The following MAK16 variants were observed in gnomAD, a reference collection of about 807,000 sequenced individuals.
The protein encoded by MAK16 is MAK16 homolog, also known as protein MAK16 homolog.
In MAK16, 12 loss-of-function variants were observed where a neutral mutation model predicts 49.9. That is an observed-to-expected ratio of 0.24 (90% CI 0.15 to 0.39). MAK16 has a LOEUF of 0.39. MAK16 is among the 10% of genes least tolerant of loss of function. The pLI is 1.00. For missense variants in MAK16, 292 were observed against 363.7 expected (o/e 0.80, Z 1.60); for synonymous variants, 115 against 126.4 (o/e 0.91, Z 0.60).
In MAK16 at chr8:33,498,758, T is replaced by C; in HGVS notation, c.*129T>C. 1.2e-6 allele frequency: 1 copy of C among 812,866 alleles called. No individual in the cohort carries two copies. The highest frequency in any genetic ancestry group is 1.9e-6 in the Non-Finnish European group (1 of 520,690). 50.4% of individuals were successfully genotyped at this position (812,866 alleles called of 1,614,324 possible). A position where few individuals can be genotyped will look rare whatever the true frequency, so the allele number is the denominator to read the frequency against. On this transcript the variant is annotated 3_prime_UTR_variant, in exon 10 of 10. Coordinates refer to ENST00000360128, the MANE Select transcript of MAK16 (RefSeq NM_032509.4). ...GTACTGAACACAATATTTGTGTTTT[T>C]ATTATTTATGCCACGTCAGTGGGGC...
Position 33,485,205 on chromosome 8 carries a change from C to G in MAK16, c.-2C>G. 6.2e-7 allele frequency: 1 copy of G among 1,614,170 alleles called. No individual in the cohort carries two copies. Among genetic ancestry groups the G allele is most frequent in the South Asian group, 1.1e-5 (1 of 91,086 alleles). ...GAAGTTGCACGCTGAGCCGCGGACA[C>G]CATGCAGTCGGATGATGTGAGTCTC... On this transcript the variant is annotated 5_prime_UTR_variant, in exon 1 of 10. Coordinates refer to ENST00000360128, the MANE Select transcript of MAK16 (RefSeq NM_032509.4).
At position 33,500,267 on chromosome 8, in the gene MAK16, A is replaced by G; in HGVS notation, c.*1638A>G. On this transcript the variant is annotated 3_prime_UTR_variant, in exon 10 of 10. Coordinates refer to ENST00000360128, the MANE Select transcript of MAK16 (RefSeq NM_032509.4). Reference sequence around the variant, plus strand: ...GCACATACATAGTAAATTATAATCAATCATGGGAATTACATAAGGATAATG... The same window carrying G: ...GCACATACATAGTAAATTATAATCAGTCATGGGAATTACATAAGGATAATG... 6.3e-7 allele frequency: 1 copy of G among 1,597,666 alleles called. No homozygotes were observed. The highest frequency in any genetic ancestry group is 1.7e-5 in the Admixed American group (1 of 59,772).
Position 33,489,957 on chromosome 8 carries a change from A to G in MAK16, c.393-328A>G, listed in dbSNP as rs11988905. On this transcript the variant is annotated intron_variant, in intron 5 of 9. Coordinates refer to ENST00000360128, the MANE Select transcript of MAK16 (RefSeq NM_032509.4). This position sits in a 1 kb window ranked among gnomAD's most constrained non-coding sequence, Gnocchi z 4.2. The stretch of plus-strand genomic sequence containing the variant: ...AGTTCACTGAAGTCTTAATTTTAGC[A>G]TGGTGAATGCCCTGAGAATCCCAGA... Among the ~76,000 whole-genome samples, 5,147 of 152,306 alleles carry G rather than the reference A, an allele frequency of 0.034. 255 individuals are homozygous for G. The highest frequency in any genetic ancestry group is 0.11 in the African/African-American group (4,575 of 41,544).
At position 33,500,522 on chromosome 8, in the gene MAK16, T is replaced by C. The variant is rs763411439; in HGVS notation, c.*1893T>C. The C allele has an allele frequency of 3.1e-6, 5 of 1,611,770 alleles. No individual in the cohort carries two copies. Among genetic ancestry groups the C allele is most frequent in the Non-Finnish European group, 4.2e-6 (5 of 1,179,120 alleles). On this transcript the variant is annotated 3_prime_UTR_variant, in exon 10 of 10. Transcript: ENST00000360128. ...TCAGGAAGAAAAGCTATGTTCATACTCTAAATCTGGATATTAAAATTGGAA... is the reference window on the plus strand; with the variant it reads ...TCAGGAAGAAAAGCTATGTTCATACCCTAAATCTGGATATTAAAATTGGAA...
At chr8:33,495,259 A>G (rs1161109872) in intron 6 of MAK16, among the ~76,000 whole-genome samples, 1 of 152,238 alleles carries the variant, frequency 6.6e-6, no homozygotes, top group East Asian at 1.9e-4. Flanking sequence ...ACTTAAATGT[A>G]TATAGACTTA....
At chr8:33,485,350 A>G in intron 1 of MAK16, 129 bp downstream of exon 1, 2 of 1,267,178 alleles carry the variant, frequency 1.6e-6, no homozygotes, top group Non-Finnish European at 2.3e-6. Context: ...GGCTTCCGGA[A>G]CCCCGATTTT....
chr8:33,485,312 C>T (rs367903961), intron 1 of MAK16, 91 bp downstream of exon 1: 4 of 1,543,334 alleles, frequency 2.6e-6, no homozygotes, highest in East Asian at 4.5e-5. Context: ...CGCAGCGGGT[C>T]TGTTGCCTCG....
intron 6 of MAK16, among the ~76,000 whole-genome samples, chr8:33,494,513 A>G (rs923298205): frequency 3.9e-5 from 6 of 152,244 alleles, no homozygotes; most frequent in Non-Finnish European, 7.3e-5. Flanking sequence ...ATAGTCGTCT[A>G]AATAAACAAG....
In MAK16 at chr8:33,499,505, C is replaced by G. The variant is rs989616041; in HGVS notation, c.*876C>G. 4 of 439,164 alleles carry G rather than the reference C, an allele frequency of 9.1e-6. No individual in the cohort carries two copies. Among genetic ancestry groups the G allele is most frequent in the African/African-American group, 6.0e-5 (3 of 49,774 alleles). 27.2% of individuals were successfully genotyped at this position (439,164 alleles called of 1,614,324 possible). A position where few individuals can be genotyped will look rare whatever the true frequency, so the allele number is the denominator to read the frequency against. On this transcript the variant is annotated 3_prime_UTR_variant, in exon 10 of 10. Transcript: ENST00000360128. ...TTTAAAAACTGTGTTAATGTACTTG[C>G]AAATCTCCTGCTGGCTCATGAAACA...
intron 9 of MAK16, 57 bp downstream of exon 9, chr8:33,497,354 AC>A (rs68152666): frequency 0.27 from 159,718 of 599,768 alleles, 23,240 homozygotes; most frequent in African/African-American, 0.53. Context: ...AAAAAAAAAA[AC>A]AAAAACAGGG....
At position 33,498,699 on chromosome 8, in the gene MAK16, A is replaced by G. The variant is rs1808940440; in HGVS notation, c.*70A>G. 7.8e-7 allele frequency: 1 copy of G among 1,286,658 alleles called. No individual in the cohort carries two copies. The highest frequency in any genetic ancestry group is 2.3e-5 in the Admixed American group (1 of 43,196). The allele number at this position is 1,286,658 out of a possible 1,614,324, so 79.7% of individuals were successfully genotyped here. On this transcript the variant is annotated 3_prime_UTR_variant, in exon 10 of 10. Coordinates refer to ENST00000360128, the MANE Select transcript of MAK16 (RefSeq NM_032509.4). ...TTTTTTTTTTTTTTTTATCTTAAAC[A>G]CATACACACCTCCAGTTTTTGCTCT...
In MAK16 at chr8:33,489,070, A is replaced by T; in HGVS notation, c.323A>T (p.Lys108Ile). ...LIYWPRFIRH[K>I]CKQRFTKITQ... is the part of the protein sequence containing the mutation. ...TACTGGCCCCGTTTCATTCGACACA[A>T]ATGTAAGCAGAGATTCACCAAGATC... The change falls in exon 5 of 10, where the codon AAA (lysine) becomes ATA (isoleucine). Residue 108 changes from lysine to isoleucine, a missense_variant. Lys to Ile is a moderately radical substitution (Grantham distance 102, BLOSUM62 -3). Coordinates refer to ENST00000360128, the MANE Select transcript of MAK16 (RefSeq NM_032509.4). This position sits in a 1 kb window ranked among gnomAD's most constrained non-coding sequence, Gnocchi z 4.2. 1 of 1,614,074 alleles carries T rather than the reference A, an allele frequency of 6.2e-7. No homozygotes were observed. Among genetic ancestry groups the T allele is most frequent in the Non-Finnish European group, 8.5e-7 (1 of 1,179,908 alleles).
intron 7 of MAK16, 96 bp downstream of exon 7, chr8:33,495,712 TTTTTTTTTTTTTTTTTTTTTTTG>T (rs2128824682): frequency 3.8e-6 from 2 of 521,818 alleles, no homozygotes; most frequent in African/African-American, 8.1e-5. Context: ...TTTTTTTTTT[TTTTTTTTTTTTTTTTTTTTTTTG>T]AGATGGAGTC....
Position 33,498,684 on chromosome 8 carries a change from T to C in MAK16, c.*55T>C. ...GAACATGCAGAACTGTTTTTTTTTTTTTTTTATCTTAAACACATACACACC... is the reference window on the plus strand; with the variant it reads ...GAACATGCAGAACTGTTTTTTTTTTCTTTTTATCTTAAACACATACACACC... On this transcript the variant is annotated 3_prime_UTR_variant, in exon 10 of 10. Transcript: ENST00000360128. 1.3e-6 allele frequency: 2 copies of C among 1,514,564 alleles called. No homozygotes were observed. Among genetic ancestry groups the C allele is most frequent in the Non-Finnish European group, 1.8e-6 (2 of 1,114,894 alleles). 93.8% of individuals were successfully genotyped at this position (1,514,564 alleles called of 1,614,324 possible). A position where few individuals can be genotyped will look rare whatever the true frequency, so the allele number is the denominator to read the frequency against.
In MAK16 at chr8:33,500,418, G is replaced by A. The variant is rs374210175; in HGVS notation, c.*1789G>A. ...CGCTCTTAACAGACTCAGGTGTAAGGTTTGGATCCCTTGCTACATCACAAA... is the reference window on the plus strand; with the variant it reads ...CGCTCTTAACAGACTCAGGTGTAAGATTTGGATCCCTTGCTACATCACAAA... On this transcript the variant is annotated 3_prime_UTR_variant, in exon 10 of 10. Coordinates refer to ENST00000360128, the MANE Select transcript of MAK16 (RefSeq NM_032509.4). 6.2e-7 allele frequency: 1 copy of A among 1,614,124 alleles called. No homozygotes were observed. The highest frequency in any genetic ancestry group is 8.5e-7 in the Non-Finnish European group (1 of 1,180,006).
intron 1 of MAK16, among the ~76,000 whole-genome samples, chr8:33,486,413 G>T (rs192695448): frequency 1.3e-5 from 2 of 152,098 alleles, no homozygotes; most frequent in East Asian, 3.9e-4. Context: ...TTAGCTGGGC[G>T]CGGTGGTGTT....
chr8:33,488,355 T>G, intron 1 of MAK16, 23 bp from the exon 2 acceptor site: 1 of 1,613,590 alleles, frequency 6.2e-7, no homozygotes, highest in South Asian at 1.1e-5. Context: ...GGATTTGAAA[T>G]GGGCTTTTAC....
chr8:33,489,224 C>A lies in MAK16; in HGVS notation c.392+85C>A. ...GTTGAGAAATTGTGAAACTTCGGGG[C>A]TTTCTATTCAACTTTGTGGAGTCTG... On this transcript the variant is annotated intron_variant, in intron 5 of 9. Coordinates refer to ENST00000360128, the MANE Select transcript of MAK16 (RefSeq NM_032509.4). This position sits in a 1 kb window ranked among gnomAD's most constrained non-coding sequence, Gnocchi z 4.2. 1 of 1,258,414 alleles carries A rather than the reference C, an allele frequency of 7.9e-7. No individual in the cohort carries two copies. Among genetic ancestry groups the A allele is most frequent in the Non-Finnish European group, 1.1e-6 (1 of 896,842 alleles). The allele number at this position is 1,258,414 out of a possible 1,614,324, so 78.0% of individuals were successfully genotyped here.
intron 6 of MAK16, among the ~76,000 whole-genome samples, chr8:33,492,365 T>G (rs2128824076): frequency 6.6e-6 from 1 of 152,306 alleles, no homozygotes; most frequent in African/African-American, 2.4e-5. Context: ...GTCAGTGGAT[T>G]GTCTCTTCAC....
Sources: allele counts gnomAD v4.1 joint callset (sites outside exome capture counted in the v4.1 genomes callset), GRCh38; gene constraint gnomAD v4.1.1; non-coding constraint Gnocchi (gnomAD v3.1); transcripts MANE v1.5; gene names NCBI Gene and HGNC (gene_info 2026-07-23, HGNC 2026-07-21).